NCAM2: variants seen among roughly 807,000 people sequenced by gnomAD.
NCAM2 encodes neural cell adhesion molecule 2.
In NCAM2, 30 loss-of-function variants were observed where a neutral mutation model predicts 98.1. The observed-to-expected ratio is 0.31, with a 90% confidence interval of 0.23 to 0.41. The LOEUF is 0.41. Ranked by LOEUF, NCAM2 falls within the 10% of genes least tolerant of loss-of-function variation. The probability of loss-of-function intolerance (pLI) is 1.00; values close to 1 mark genes in which losing one functional copy is unlikely to be tolerated. For missense variants in NCAM2, 867 were observed against 1,005.8 expected (o/e 0.86, Z 1.87); for synonymous variants, 368 against 342.4 (o/e 1.07, Z -0.83).
rs1216582802 is a variant in NCAM2 at position 21,170,347 on chromosome 21, A to C, written c.56-110231A>C. Among the ~76,000 whole-genome samples, 5 of 152,256 alleles carry C rather than the reference A, an allele frequency of 3.3e-5. No individual in the cohort carries two copies. In the East Asian group the frequency reaches 9.6e-4, roughly 29 times the overall value. On this transcript the variant is annotated intron_variant, in intron 1 of 17. Coordinates refer to ENST00000400546, the MANE Select transcript of NCAM2 (RefSeq NM_004540.5). Reference sequence around the variant, plus strand: ...ATTTAGGATGTCCTGTAGATTAATTAGTAAATGGTAATACATCCAGATAAT... The same window carrying C: ...ATTTAGGATGTCCTGTAGATTAATTCGTAAATGGTAATACATCCAGATAAT...
intron 15 of NCAM2, among the ~76,000 whole-genome samples, chr21:21,489,077 G>A (rs773289531): frequency 1.2e-4 from 18 of 151,790 alleles, no homozygotes; most frequent in African/African-American, 4.1e-4. Context: ...TGGCACCTCC[G>A]CCTCCTGTGT....
intron 1 of NCAM2, among the ~76,000 whole-genome samples, chr21:21,085,009 C>T (rs1456484027): frequency 6.6e-6 from 1 of 152,062 alleles, no homozygotes; most frequent in East Asian, 1.9e-4. Flanking sequence ...CTTCTATCGC[C>T]GCTTCTGCTC....
intron 1 of NCAM2, among the ~76,000 whole-genome samples, chr21:21,203,938 C>A (rs1479869552): frequency 3.9e-5 from 6 of 152,078 alleles, no homozygotes; most frequent in African/African-American, 7.2e-5. Flanking sequence ...AGTTTACTTA[C>A]AACCATAAGA....
chr21:21,031,777 A>G (rs546850674), intron 1 of NCAM2, among the ~76,000 whole-genome samples: 2 of 148,626 alleles, frequency 1.3e-5, no homozygotes, highest in Admixed American at 6.9e-5. Flanking sequence ...CTCTCGATAT[A>G]TCTCTCTCTC....
In NCAM2 at chr21:21,097,261, A is replaced by G. The variant is rs1013727731; in HGVS notation, c.55+98643A>G. ...GTCATGATAAGCATCTGTTATTTAC[A>G]TAATAATCCATGTGCTGAAGAGTTA... On this transcript the variant is annotated intron_variant, in intron 1 of 17. Transcript: ENST00000400546. Among the ~76,000 whole-genome samples the G allele has an allele frequency of 4.0e-4, 60 of 151,850 alleles. 1 individual carries two copies. Among genetic ancestry groups the G allele is most frequent in the Non-Finnish European group, 4.9e-4 (33 of 67,748 alleles).
intron 5 of NCAM2, among the ~76,000 whole-genome samples, chr21:21,302,369 G>A (rs2073744168): frequency 6.6e-6 from 1 of 152,042 alleles, no homozygotes; most frequent in African/African-American, 2.4e-5. Flanking sequence ...TTAATGAATA[G>A]GGAGTTCTTT....
At chr21:21,145,999 A>G (rs1427885945) in intron 1 of NCAM2, among the ~76,000 whole-genome samples, 1 of 152,204 alleles carries the variant, frequency 6.6e-6, no homozygotes, top group African/African-American at 2.4e-5. Context: ...CAATGTCTTT[A>G]AATAGCAGTT....
At chr21:21,100,003 T>G (rs2066207673) in intron 1 of NCAM2, among the ~76,000 whole-genome samples, 1 of 151,910 alleles carries the variant, frequency 6.6e-6, no homozygotes, top group Non-Finnish European at 1.5e-5. Flanking sequence ...TAGTGTGTCT[T>G]TTTCCTTCCT....
At chr21:20,999,823 CTTCTATCA>C (rs1601045955) in intron 1 of NCAM2, among the ~76,000 whole-genome samples, 1 of 152,156 alleles carries the variant, frequency 6.6e-6, no homozygotes, top group African/African-American at 2.4e-5. Context: ...CCACAGAGTC[CTTCTATCA>C]TTCTTCAGCA....
chr21:21,524,305 C>A (rs924441285), intron 16 of NCAM2, among the ~76,000 whole-genome samples: 10 of 151,070 alleles, frequency 6.6e-5, no homozygotes, highest in African/African-American at 2.4e-4. Context: ...ATATGTTTAA[C>A]AACAAAGCAT....
intron 1 of NCAM2, among the ~76,000 whole-genome samples, chr21:21,247,884 T>C (rs1339201094): frequency 6.6e-6 from 1 of 152,180 alleles, no homozygotes; most frequent in African/African-American, 2.4e-5. Context: ...CTTTCCTCCT[T>C]CTATTCCTCG....
chr21:21,427,255 A>G (rs2077234564), intron 11 of NCAM2, among the ~76,000 whole-genome samples: 1 of 152,158 alleles, frequency 6.6e-6, no homozygotes, highest in Non-Finnish European at 1.5e-5. Flanking sequence ...AATTCACAGT[A>G]ATAAGACTGA....
At chr21:21,506,707 C>A (rs1483911220) in intron 15 of NCAM2, among the ~76,000 whole-genome samples, 1 of 152,044 alleles carries the variant, frequency 6.6e-6, no homozygotes, top group East Asian at 1.9e-4. Context: ...CTGTCGAAAC[C>A]AGAAAATTCC....
At position 21,452,522 on chromosome 21, in the gene NCAM2, A is replaced by G. The variant is rs188637826; in HGVS notation, c.1655-14084A>G. On this transcript the variant is annotated intron_variant, in intron 12 of 17. Transcript: ENST00000400546. The stretch of plus-strand genomic sequence containing the variant: ...ATATATAATATATAATATATAAAAT[A>G]TATTATATATTATAAATAAATATAT... Among the ~76,000 whole-genome samples, 359 of 129,502 alleles carry G rather than the reference A, an allele frequency of 2.8e-3. 3 individuals carry two copies. The highest frequency in any genetic ancestry group is 1.0e-2 in the African/African-American group (346 of 34,678). 85.0% of individuals were successfully genotyped at this position (129,502 alleles called of 152,430 possible).
intron 1 of NCAM2, among the ~76,000 whole-genome samples, chr21:21,010,606 A>G (rs1018412361): frequency 6.6e-6 from 1 of 152,068 alleles, no homozygotes; most frequent in African/African-American, 2.4e-5. Flanking sequence ...CTTTCTTACT[A>G]GGAAAATCAA....
At chr21:21,136,224 C>T (rs917001099) in intron 1 of NCAM2, among the ~76,000 whole-genome samples, 22 of 152,142 alleles carry the variant, frequency 1.4e-4, no homozygotes, top group Admixed American at 1.3e-3. Flanking sequence ...CCATTTTCTT[C>T]TGATACAGTT....
At chr21:21,153,694 A>G (rs1270537806) in intron 1 of NCAM2, among the ~76,000 whole-genome samples, 1 of 151,906 alleles carries the variant, frequency 6.6e-6, no homozygotes, top group Non-Finnish European at 1.5e-5. Flanking sequence ...AGTTTTGAAA[A>G]CATATAAGTG....
chr21:21,394,142 A>G (rs2076444647), intron 9 of NCAM2, among the ~76,000 whole-genome samples: 1 of 152,220 alleles, frequency 6.6e-6, no homozygotes, highest in Non-Finnish European at 1.5e-5. Flanking sequence ...CAAAAACTGC[A>G]TATCCAGTGT....
intron 5 of NCAM2, among the ~76,000 whole-genome samples, chr21:21,322,962 A>G (rs1187418247): frequency 6.6e-6 from 1 of 152,158 alleles, no homozygotes. Context: ...CCTTCCAGCT[A>G]AAGAAAAAAT....
Sources: gnomAD v4.1 joint callset for allele counts (sites outside exome capture counted in the v4.1 genomes callset) on GRCh38, gnomAD v4.1.1 for gene constraint, MANE v1.5 for transcripts, NCBI Gene and HGNC (gene_info 2026-07-23, HGNC 2026-07-21) for gene names.